MYO1E: variants seen among roughly 807,000 people sequenced by gnomAD.
MYO1E encodes the protein myosin IE.
In MYO1E, 68 loss-of-function variants were observed where a neutral mutation model predicts 151.1. The ratio of observed to expected loss-of-function variants is 0.45; its 90% confidence interval spans 0.37 to 0.55. The LOEUF is 0.55. Among genes scored for constraint, MYO1E ranks in the 20% least tolerant of loss-of-function variants. The probability of loss-of-function intolerance (pLI) is 0.00; values close to 1 mark genes in which losing one functional copy is unlikely to be tolerated. For missense variants in MYO1E, 1,363 were observed against 1,389.3 expected (o/e 0.98, Z 0.30); for synonymous variants, 601 against 501.7 (o/e 1.20, Z -2.64).
chr15:59,193,279 G>C (rs1032949096), intron 17 of MYO1E, among the ~76,000 whole-genome samples: 4 of 152,220 alleles, frequency 2.6e-5, no homozygotes, highest in African/African-American at 9.7e-5. Flanking sequence ...CAATGTAAGA[G>C]AGCAAAACAA....
At chr15:59,224,181 T>G (rs1347620765) in intron 8 of MYO1E, among the ~76,000 whole-genome samples, 1 of 152,198 alleles carries the variant, frequency 6.6e-6, no homozygotes, top group Non-Finnish European at 1.5e-5. Flanking sequence ...TTTCACAGCT[T>G]GGACCATAAC....
intron 25 of MYO1E, among the ~76,000 whole-genome samples, chr15:59,157,998 C>T (rs77864348): frequency 0.022 from 3,314 of 152,272 alleles, 52 homozygotes; most frequent in African/African-American, 0.037. Flanking sequence ...CTGGTTGTTA[C>T]GGACAAGGAA....
intron 14 of MYO1E, among the ~76,000 whole-genome samples, chr15:59,206,047 T>C (rs1040479260): frequency 6.6e-6 from 1 of 152,058 alleles, no homozygotes; most frequent in Non-Finnish European, 1.5e-5. Flanking sequence ...GGGATTTCCA[T>C]AGCACTAGGA....
At chr15:59,168,887 G>A (rs1293670309) in intron 22 of MYO1E, among the ~76,000 whole-genome samples, 2 of 152,190 alleles carry the variant, frequency 1.3e-5, no homozygotes, top group African/African-American at 4.8e-5. Flanking sequence ...CTCCCAAAGT[G>A]CTGGGATTAC....
intron 1 of MYO1E, among the ~76,000 whole-genome samples, chr15:59,281,696 T>A (rs918534794): frequency 2.0e-5 from 3 of 152,246 alleles, no homozygotes; most frequent in Non-Finnish European, 2.9e-5. Context: ...CAAATTTTTC[T>A]ATAAATGGTC....
chr15:59,310,158 G>A (rs556262717), intron 1 of MYO1E, among the ~76,000 whole-genome samples: 19 of 152,172 alleles, frequency 1.2e-4, no homozygotes, highest in Non-Finnish European at 2.5e-4. Context: ...CTAGGTCCAG[G>A]CAGCTTCCTA....
chr15:59,318,367 C>T (rs537134277), intron 1 of MYO1E, among the ~76,000 whole-genome samples: 1 of 152,258 alleles, frequency 6.6e-6, no homozygotes, highest in East Asian at 1.9e-4. Flanking sequence ...ACGGAGACTA[C>T]CATGAAAGCC....
chr15:59,160,082 T>A (rs1052154030), intron 24 of MYO1E, among the ~76,000 whole-genome samples: 2 of 152,154 alleles, frequency 1.3e-5, no homozygotes, highest in African/African-American at 4.8e-5. Context: ...GTAGTCCGCC[T>A]GCCTCGGCCT....
intron 12 of MYO1E, chr15:59,212,850 A>T (rs1370050042): frequency 6.6e-6 from 1 of 152,244 alleles, no homozygotes; most frequent in Non-Finnish European, 1.5e-5. Flanking sequence ...ACATTGAAAA[A>T]GGCTACGTGA....
In MYO1E at chr15:59,171,911, C is replaced by T; in HGVS notation, c.2466G>A (p.Leu822=). ...LKRKIEIERI[L]SVSLSTMQDD... ...CCACTACTCACCTGAGGGACACAGA[C>T]AAGATCCGTTCTATCTCGATTTTCC... The change falls in exon 22 of 28, where the codon TTG becomes TTA. Residue 822 remains leucine, a synonymous_variant. Coordinates refer to ENST00000288235, the MANE Select transcript of MYO1E (RefSeq NM_004998.4). The T allele has an allele frequency of 6.2e-7, 1 of 1,614,236 alleles. No individual in the cohort carries two copies. Among genetic ancestry groups the T allele is most frequent in the Non-Finnish European group, 8.5e-7 (1 of 1,180,036 alleles).
At chr15:59,171,698 T>G (rs577383956) in intron 22 of MYO1E, among the ~76,000 whole-genome samples, 199 bp downstream of exon 22, 3 of 152,300 alleles carry the variant, frequency 2.0e-5, no homozygotes, top group African/African-American at 4.8e-5. Flanking sequence ...AACCTTTTCT[T>G]GGTACCTTCT....
chr15:59,363,990 C>T (rs2080899463), intron 1 of MYO1E, among the ~76,000 whole-genome samples: 1 of 152,120 alleles, frequency 6.6e-6, no homozygotes, highest in Non-Finnish European at 1.5e-5. Flanking sequence ...GTTGGCCAGG[C>T]TGGTCTCGAA....
intron 23 of MYO1E, among the ~76,000 whole-genome samples, chr15:59,162,744 A>G (rs568802336): frequency 6.6e-6 from 1 of 152,010 alleles, no homozygotes; most frequent in East Asian, 1.9e-4. Context: ...AGGCTCTACC[A>G]ATAAACAGGT....
At chr15:59,288,295 C>A (rs2080399046) in intron 1 of MYO1E, among the ~76,000 whole-genome samples, 1 of 152,150 alleles carries the variant, frequency 6.6e-6, no homozygotes, top group African/African-American at 2.4e-5. Flanking sequence ...TCTGCCTCGG[C>A]CTACCGAGTA....
At chr15:59,351,740 C>T (rs373584741) in intron 1 of MYO1E, among the ~76,000 whole-genome samples, 1,120 of 96,126 alleles carry the variant, frequency 0.012, 15 homozygotes, top group African/African-American at 0.028. Flanking sequence ...ACTCACAGGA[C>T]GTTGGAAATG....
intron 26 of MYO1E, among the ~76,000 whole-genome samples, chr15:59,145,531 C>T (rs2079436224): frequency 6.6e-6 from 1 of 152,178 alleles, no homozygotes; most frequent in African/African-American, 2.4e-5. Flanking sequence ...GGATTACAAG[C>T]ATGTGCCAAC....
At chr15:59,313,461 C>G (rs555460775) in intron 1 of MYO1E, among the ~76,000 whole-genome samples, 1 of 152,280 alleles carries the variant, frequency 6.6e-6, no homozygotes, top group South Asian at 2.1e-4. Context: ...ATCTAGGACC[C>G]TGAAATAATA....
At position 59,214,270 on chromosome 15, in the gene MYO1E, T is replaced by C; in HGVS notation, c.1233A>G (p.Lys411=). The C allele has an allele frequency of 6.2e-7, 1 of 1,613,320 alleles. No homozygotes were observed. Among genetic ancestry groups the C allele is most frequent in the South Asian group, 1.1e-5 (1 of 90,900 alleles). The change falls in exon 12 of 28, where the codon AAA becomes AAG. Residue 411 remains lysine (K), a synonymous_variant. Transcript: ENST00000288235. ...TCAGTTCAATAAAAATCTGCTGCAG[T>C]TTTTCATTAACAAAATTGATACAAA... is the stretch of plus-strand genomic sequence containing the variant. ...EQFCINFVNE[K]LQQIFIELTL...
chr15:59,136,821 C>A lies in MYO1E; in HGVS notation c.*559G>T. Reference sequence around the variant, plus strand: ...GGTCCCGGCAAAGTGTAAACCAGTGCCCCTCTGTCGCCCTGGGCTCAGCAG... The same window carrying A: ...GGTCCCGGCAAAGTGTAAACCAGTGACCCTCTGTCGCCCTGGGCTCAGCAG... On this transcript the variant is annotated 3_prime_UTR_variant, in exon 28 of 28. Coordinates refer to ENST00000288235, the MANE Select transcript of MYO1E (RefSeq NM_004998.4). The A allele has an allele frequency of 2.2e-6, 1 of 454,434 alleles. No homozygotes were observed. The highest frequency in any genetic ancestry group is 4.4e-6 in the Non-Finnish European group (1 of 225,918). 28.2% of individuals were successfully genotyped at this position (454,434 alleles called of 1,614,324 possible).
Sources: allele counts gnomAD v4.1 joint callset (sites outside exome capture counted in the v4.1 genomes callset), GRCh38; gene constraint gnomAD v4.1.1; transcripts MANE v1.5; gene names NCBI Gene and HGNC (gene_info 2026-07-23, HGNC 2026-07-21).